FRG2C: variants seen among roughly 807,000 people sequenced by gnomAD.
FRG2C encodes protein FRG2-like-2.
FRG2C carries 8 observed loss-of-function variants against 14.1 expected under a neutral mutation model. That is an observed-to-expected ratio of 0.57 (90% CI 0.33 to 1.02). FRG2C has a LOEUF of 1.02. FRG2C is among the 50% of genes least tolerant of loss of function. The pLI is 0.03. For synonymous variants in FRG2C, 92 were observed against 127.4 expected, an observed-to-expected ratio of 0.72 and a Z score of 1.87; for missense variants, 214 against 334.2, an observed-to-expected ratio of 0.64 and a Z score of 2.80.
In FRG2C at chr3:75,665,614, C is replaced by G. The variant is rs1234551450; in HGVS notation, c.422C>G (p.Thr141Ser). The G allele has an allele frequency of 2.5e-6, 4 of 1,613,818 alleles. No individual in the cohort carries two copies. The highest frequency in any genetic ancestry group is 2.5e-6 in the Non-Finnish European group (3 of 1,179,766). ...GTGCACAACAGTGAAATCCAGGAGA[C>G]CTGTGATGCCCACCATAGGGGAAGT... ...TAVHNSEIQE[T>S]CDAHHRGSSR... is the part of the protein sequence containing the mutation. Residue 141 changes from threonine (T) to serine (S), a missense_variant, in exon 4 of 4, where the codon ACC becomes AGC. Coordinates refer to ENST00000308062, the MANE Select transcript of FRG2C (RefSeq NM_001124759.5).
rs73124968 is a variant in FRG2C at position 75,666,548 on chromosome 3, G to T, written c.*507G>T. On this transcript the variant is annotated 3_prime_UTR_variant, in exon 4 of 4. Transcript: ENST00000308062. ...GCATGTACCGCCATGCCTGGCTAATGTTTTTTTCTTGTATTGTTAGTAGAG... is the reference window on the plus strand; with the variant it reads ...GCATGTACCGCCATGCCTGGCTAATTTTTTTTTCTTGTATTGTTAGTAGAG... 1.6e-3 allele frequency: 286 copies of T among 177,696 alleles called. No homozygotes were observed. The highest frequency in any genetic ancestry group is 4.5e-3 in the African/African-American group (184 of 41,234). 11.0% of individuals were successfully genotyped at this position (177,696 alleles called of 1,614,324 possible).
Position 75,664,367 on chromosome 3 carries a change from C to G in FRG2C, c.-13C>G. ...GACATGTGAGAGAGCGCACCTTTCA[C>G]TTGAGCTTCAACATGGGAAAGGGAA... On this transcript the variant is annotated 5_prime_UTR_variant, in exon 1 of 4. Coordinates refer to ENST00000308062, the MANE Select transcript of FRG2C (RefSeq NM_001124759.5). 3.7e-6 allele frequency: 6 copies of G among 1,612,132 alleles called. No homozygotes were observed. The highest frequency in any genetic ancestry group is 4.2e-6 in the Non-Finnish European group (5 of 1,179,880).
intron 3 of FRG2C, 51 bp from the exon 4 acceptor site, chr3:75,665,476 G>A (rs1937065030): frequency 6.3e-7 from 1 of 1,576,234 alleles, no homozygotes; most frequent in African/African-American, 1.4e-5. Context: ...TTCTGGAAAT[G>A]AGGGTCTGTG....
At position 75,666,106 on chromosome 3, in the gene FRG2C, C is replaced by T; in HGVS notation, c.*65C>T. ...GGACCTGCTTCTTCTCAGATTCTTC[C>T]AGACGACCAGCAGTGACAATTTTAG... On this transcript the variant is annotated 3_prime_UTR_variant, in exon 4 of 4. Transcript: ENST00000308062. 1.2e-6 allele frequency: 2 copies of T among 1,608,140 alleles called. No individual in the cohort carries two copies. The highest frequency in any genetic ancestry group is 1.1e-5 in the South Asian group (1 of 90,150).
chr3:75,666,621 C>G lies in FRG2C; in HGVS notation c.*580C>G, dbSNP rs1253308183. On this transcript the variant is annotated 3_prime_UTR_variant, in exon 4 of 4. Coordinates refer to ENST00000308062, the MANE Select transcript of FRG2C (RefSeq NM_001124759.5). ...GCCTCGGACTCAAGTGATCCACCAG[C>G]CTCCACCTCCCGACGTGGTGGGGTT... The G allele has an allele frequency of 6.0e-6, 1 of 165,398 alleles. No individual in the cohort carries two copies. Among genetic ancestry groups the G allele is most frequent in the Non-Finnish European group, 1.3e-5 (1 of 76,328 alleles). The allele number at this position is 165,398 out of a possible 1,614,324, so 10.2% of individuals were successfully genotyped here.
In FRG2C at chr3:75,665,590, T is replaced by C. The variant is rs1937068749; in HGVS notation, c.398T>C (p.Val133Ala). Residue 133 changes from valine (V) to alanine (A), a missense_variant, in exon 4 of 4, where the codon GTG becomes GCG. Physicochemically the swap from Val to Ala is moderately conservative, Grantham distance 64. Coordinates refer to ENST00000308062, the MANE Select transcript of FRG2C (RefSeq NM_001124759.5). ...AAAAAATCAAGATCCTCCACTGCTG[T>C]GCACAACAGTGAAATCCAGGAGACC... ...LNKKSRSSTA[V>A]HNSEIQETCD... 6.2e-7 allele frequency: 1 copy of C among 1,614,094 alleles called. No homozygotes were observed. Among genetic ancestry groups the C allele is most frequent in the Admixed American group, 1.7e-5 (1 of 60,030 alleles).
chr3:75,666,542 G>A lies in FRG2C; in HGVS notation c.*501G>A, dbSNP rs113226410. The A allele has an allele frequency of 2.5e-3, 388 of 157,366 alleles. No homozygotes were observed. Among genetic ancestry groups the A allele is most frequent in the African/African-American group, 0.011 (356 of 31,584 alleles). The allele number at this position is 157,366 out of a possible 1,614,324, so 9.7% of individuals were successfully genotyped here. A position where few individuals can be genotyped will look rare whatever the true frequency, so the allele number is the denominator to read the frequency against. On this transcript the variant is annotated 3_prime_UTR_variant, in exon 4 of 4. Transcript: ENST00000308062. ...CTACAGGCATGTACCGCCATGCCTGGCTAATGTTTTTTTCTTGTATTGTTA... is the reference window on the plus strand; with the variant it reads ...CTACAGGCATGTACCGCCATGCCTGACTAATGTTTTTTTCTTGTATTGTTA...
chr3:75,665,953 C>T lies in FRG2C; in HGVS notation c.761C>T (p.Ala254Val), dbSNP rs1364971682. The T allele has an allele frequency of 3.1e-6, 5 of 1,607,160 alleles. No homozygotes were observed. The highest frequency in any genetic ancestry group is 2.2e-5 in the South Asian group (2 of 90,916). The change falls in exon 4 of 4, where the codon GCC becomes GTC. Residue 254 changes from alanine to valine, a missense_variant. Ala to Val is a moderately conservative substitution (Grantham distance 64). This residue lies in a region of FRG2C where 55 missense variants were observed against 118.9 expected (regional missense o/e 0.46). Coordinates refer to ENST00000308062, the MANE Select transcript of FRG2C (RefSeq NM_001124759.5). ...PATLPGPGDS[A>V]LDREAHPFPG... ...ACACTGCCTGGTCCTGGGGATTCAG[C>T]CCTGGATAGAGAAGCCCATCCCTTC...
At position 75,666,511 on chromosome 3, in the gene FRG2C, C is replaced by G. The variant is rs1575741434; in HGVS notation, c.*470C>G. On this transcript the variant is annotated 3_prime_UTR_variant, in exon 4 of 4. Transcript: ENST00000308062. ...TCTCATGCCTCAGCCTCCCAAGTAG[C>G]TGGGACTACAGGCATGTACCGCCAT... 6 of 238,420 alleles carry G rather than the reference C, an allele frequency of 2.5e-5. No homozygotes were observed. Among genetic ancestry groups the G allele is most frequent in the Non-Finnish European group, 1.6e-5 (2 of 124,470 alleles). 14.8% of individuals were successfully genotyped at this position (238,420 alleles called of 1,614,324 possible). A position where few individuals can be genotyped will look rare whatever the true frequency, so the allele number is the denominator to read the frequency against.
Position 75,666,122 on chromosome 3 carries a change from A to G in FRG2C, c.*81A>G. 1.9e-6 allele frequency: 3 copies of G among 1,599,004 alleles called. No homozygotes were observed. In the South Asian group the frequency reaches 3.4e-5, roughly 18 times the overall value. On this transcript the variant is annotated 3_prime_UTR_variant, in exon 4 of 4. Transcript: ENST00000308062. ...AGATTCTTCCAGACGACCAGCAGTG[A>G]CAATTTTAGATGCACTGTGTTAATA... is the stretch of plus-strand genomic sequence containing the variant.
At chr3:75,665,335 A>T (rs76451681) in intron 3 of FRG2C, 132 bp downstream of exon 3, 2 of 959,788 alleles carry the variant, frequency 2.1e-6, no homozygotes, top group Admixed American at 4.6e-5. Context: ...TTGACAAGTA[A>T]ATTTTTGAGA....
chr3:75,664,699 G>T (rs1575739937), intron 1 of FRG2C, 120 bp from the exon 2 acceptor site: 2 of 1,606,940 alleles, frequency 1.2e-6, no homozygotes, highest in South Asian at 2.2e-5. Context: ...TGAGAAATGT[G>T]TTCACTCATG....
In FRG2C at chr3:75,664,859, A is replaced by C; in HGVS notation, c.219A>C (p.Glu73Asp). The stretch of plus-strand genomic sequence containing the variant: ...ATCCAAACAAGGAGAATTCTGAGGA[A>C]ACCAAGCTCAAGGCCGGGAACAGCA... ...DPNPNKENSE[E>D]TKLKAGNSTA... Residue 73 changes from glutamate (E) to aspartate (D), a missense_variant, in exon 2 of 4, where the codon GAA (glutamate) becomes GAC (aspartate). By Grantham distance (45) the Glu-to-Asp change is conservative. Around this residue, in one of 3 missense-constraint regions of FRG2C, gnomAD observed 136 missense variants for 148.1 expected, o/e 0.92. Transcript: ENST00000308062. 1 of 1,537,824 alleles carries C rather than the reference A, an allele frequency of 6.5e-7. No individual in the cohort carries two copies. Among genetic ancestry groups the C allele is most frequent in the East Asian group, 2.4e-5 (1 of 42,342 alleles).
Position 75,665,307 on chromosome 3 carries a change from C to T in FRG2C, c.334+104C>T, listed in dbSNP as rs58233101. On this transcript the variant is annotated intron_variant, in intron 3 of 3. Coordinates refer to ENST00000308062, the MANE Select transcript of FRG2C (RefSeq NM_001124759.5). ...AGGAAACTTTTATACGAGGCTTGAGCGGAAAGGGAATTACTTATTGACAAG... is the reference window on the plus strand; with the variant it reads ...AGGAAACTTTTATACGAGGCTTGAGTGGAAAGGGAATTACTTATTGACAAG... 122 of 1,445,560 alleles carry T rather than the reference C, an allele frequency of 8.4e-5. No individual in the cohort carries two copies. The African/African-American group carries it at 1.3e-3, about 16-fold the overall frequency. The allele number at this position is 1,445,560 out of a possible 1,614,324, so 89.5% of individuals were successfully genotyped here. A position where few individuals can be genotyped will look rare whatever the true frequency, so the allele number is the denominator to read the frequency against.
rs763120246 is a variant in FRG2C, at chr3:75,664,873, C to A, written c.233C>A (p.Ala78Asp). 163 of 1,614,286 alleles carry A rather than the reference C, an allele frequency of 1.0e-4. No individual in the cohort carries two copies. The highest frequency in any genetic ancestry group is 1.3e-4 in the Non-Finnish European group (153 of 1,180,052). The part of the protein sequence containing the change: ...KENSEETKLK[A>D]GNSTAGSEPE... Reference sequence around the variant, plus strand: ...AATTCTGAGGAAACCAAGCTCAAGGCCGGGAACAGCACTGCTGGATCAGGT... The same window carrying A: ...AATTCTGAGGAAACCAAGCTCAAGGACGGGAACAGCACTGCTGGATCAGGT... The change falls in exon 2 of 4, where the codon GCC (alanine) becomes GAC (aspartate). Residue 78 changes from alanine to aspartate, a missense_variant. Ala to Asp is a moderately radical substitution (Grantham distance 126, BLOSUM62 -2). Transcript: ENST00000308062.
rs1471625898 is a variant in FRG2C, at chr3:75,666,386, C to G, written c.*345C>G. The G allele has an allele frequency of 1.1e-5, 5 of 445,202 alleles. No individual in the cohort carries two copies. Among genetic ancestry groups the G allele is most frequent in the African/African-American group, 2.3e-5 (1 of 43,752 alleles). The allele number at this position is 445,202 out of a possible 1,614,324, so 27.6% of individuals were successfully genotyped here. A position where few individuals can be genotyped will look rare whatever the true frequency, so the allele number is the denominator to read the frequency against. The stretch of plus-strand genomic sequence containing the variant: ...AGAAAAGTAAATATAAAATTATATG[C>G]TCTTTTTTTTTTTGAGACAGTCTTG... On this transcript the variant is annotated 3_prime_UTR_variant, in exon 4 of 4. Transcript: ENST00000308062.
chr3:75,666,431 G>A lies in FRG2C; in HGVS notation c.*390G>A. On this transcript the variant is annotated 3_prime_UTR_variant, in exon 4 of 4. Transcript: ENST00000308062. Reference sequence around the variant, plus strand: ...GTCTTGCTATGTCACTCAGGCTGGAGTGCAGTGGCACAATCTTAGCTCACT... The same window carrying A: ...GTCTTGCTATGTCACTCAGGCTGGAATGCAGTGGCACAATCTTAGCTCACT... 1 of 379,280 alleles carries A rather than the reference G, an allele frequency of 2.6e-6. No homozygotes were observed. The highest frequency in any genetic ancestry group is 2.9e-5 in the South Asian group (1 of 34,334). The allele number at this position is 379,280 out of a possible 1,614,324, so 23.5% of individuals were successfully genotyped here. A position where few individuals can be genotyped will look rare whatever the true frequency, so the allele number is the denominator to read the frequency against.
chr3:75,665,171 T>C lies in FRG2C; in HGVS notation c.302T>C (p.Ile101Thr). ...SYQENCRKRK[I>T]SSKDICQDRA... Reference sequence around the variant, plus strand: ...CAGGAAAACTGCAGGAAAAGAAAAATCAGTTCCAAGGATATCTGCCAAGAC... The same window carrying C: ...CAGGAAAACTGCAGGAAAAGAAAAACCAGTTCCAAGGATATCTGCCAAGAC... Residue 101 changes from isoleucine to threonine, a missense_variant, in exon 3 of 4, where the codon ATC becomes ACC. Ile to Thr is a moderately conservative substitution (Grantham distance 89, BLOSUM62 -1). Transcript: ENST00000308062. The C allele has an allele frequency of 6.2e-7, 1 of 1,614,066 alleles. No homozygotes were observed. The highest frequency in any genetic ancestry group is 8.5e-7 in the Non-Finnish European group (1 of 1,179,956).
rs1168367266 is a variant in FRG2C at position 75,666,300 on chromosome 3, C to A, written c.*259C>A. 3.0e-4 allele frequency: 196 copies of A among 659,648 alleles called. No homozygotes were observed. The highest frequency in any genetic ancestry group is 8.5e-4 in the Middle Eastern group (2 of 2,346). The allele number at this position is 659,648 out of a possible 1,614,324, so 40.9% of individuals were successfully genotyped here. ...TTTTGGATGTCTGATGACAGTCGTG[C>A]ATTTCTATATAATCAGAAAAATATT... On this transcript the variant is annotated 3_prime_UTR_variant, in exon 4 of 4. Transcript: ENST00000308062.
Sources: gnomAD v4.1 joint callset for allele counts on GRCh38, gnomAD v4.1.1 for gene constraint, gnomAD v4.1.1 regional missense constraint, MANE v1.5 for transcripts, NCBI Gene and HGNC (gene_info 2026-07-23, HGNC 2026-07-21) for gene names.